The following SLC35A3 variants were observed in gnomAD, a reference collection of about 807,000 sequenced individuals.
SLC35A3 encodes the protein UDP-N-acetylglucosamine transporter.
A neutral mutation model predicts 39.0 loss-of-function variants in SLC35A3; 26 were observed. The ratio of observed to expected loss-of-function variants is 0.67; its 90% CI spans 0.49 to 0.92. The LOEUF (loss-of-function observed/expected upper bound fraction) is 0.92. Ranked by LOEUF, SLC35A3 falls within the 40% of genes least tolerant of loss-of-function variation. The pLI, the probability that SLC35A3 is intolerant of heterozygous loss-of-function variation, is 0.00. For missense variants in SLC35A3, 299 were observed against 371.6 expected, an observed-to-expected ratio of 0.80 and a Z score of 1.61; for synonymous variants, 135 against 133.1, an observed-to-expected ratio of 1.01 and a Z score of -0.10.
chr1:100,011,872 C>T (rs1003731574), intron 5 of SLC35A3, among the ~76,000 whole-genome samples: 7 of 151,538 alleles, frequency 4.6e-5, no homozygotes, highest in African/African-American at 1.7e-4. Context: ...GCGCCCGCCA[C>T]CACGCCCGGC....
rs71970416 is a variant in SLC35A3, at chr1:99,997,410, T to TTATA, written c.188-1807_188-1804dup. Among the ~76,000 whole-genome samples the TTATA allele has an allele frequency of 8.6e-3, 788 of 91,576 alleles. 39 individuals are homozygous for TTATA. Among genetic ancestry groups the TTATA allele is most frequent in the South Asian group, 0.011 (22 of 1,992 alleles). 60.1% of individuals were successfully genotyped at this position (91,576 alleles called of 152,430 possible). On this transcript the variant is annotated intron_variant, in intron 2 of 7. Transcript: ENST00000533028. Reference sequence around the variant, plus strand: ...ACAGTTATATGTTTTATATATAGTTTTATATATATATATATATATATATAT... The same window carrying TTATA: ...ACAGTTATATGTTTTATATATAGTTTTATATATATATATATATATATATATATAT...
Position 100,030,768 on chromosome 1 carries a change from T to A in SLC35A3, c.*8292T>A, listed in dbSNP as rs1451751852. 7 of 152,232 alleles carry A rather than the reference T, an allele frequency of 4.6e-5. No individual in the cohort carries two copies. Among genetic ancestry groups the A allele is most frequent in the Non-Finnish European group, 7.3e-5 (5 of 68,040 alleles). The allele number at this position is 152,232 out of a possible 1,614,324, so 9.4% of individuals were successfully genotyped here. A position where few individuals can be genotyped will look rare whatever the true frequency, so the allele number is the denominator to read the frequency against. On this transcript the variant is annotated 3_prime_UTR_variant, in exon 8 of 8. Transcript: ENST00000533028. Reference sequence around the variant, plus strand: ...AGTTTTTCCCTTTAGGCTAAAGTTTTATTTTATTCTGCTTGGATAGTAAAT... The same window carrying A: ...AGTTTTTCCCTTTAGGCTAAAGTTTAATTTTATTCTGCTTGGATAGTAAAT...
At chr1:99,974,120 C>T (rs988985649) in intron 1 of SLC35A3, among the ~76,000 whole-genome samples, 1 of 151,830 alleles carries the variant, frequency 6.6e-6, no homozygotes, top group South Asian at 2.1e-4. Context: ...TTTATATCTA[C>T]CTAGAGCTGA....
At chr1:100,011,069 T>C (rs1659595639) in intron 4 of SLC35A3, among the ~76,000 whole-genome samples, 1 of 152,240 alleles carries the variant, frequency 6.6e-6, no homozygotes, top group Non-Finnish European at 1.5e-5. Flanking sequence ...GATGGTGCTT[T>C]TTAATAAATT....
chr1:99,979,635 G>A lies in SLC35A3; in HGVS notation c.-19+9473G>A, dbSNP rs544919016. Among the ~76,000 whole-genome samples, 472 of 151,240 alleles carry A rather than the reference G, an allele frequency of 3.1e-3. 3 individuals are homozygous for A. The highest frequency in any genetic ancestry group is 5.3e-3 in the Non-Finnish European group (359 of 67,724). On this transcript the variant is annotated intron_variant, in intron 1 of 7. Coordinates refer to ENST00000533028, the MANE Select transcript of SLC35A3 (RefSeq NM_012243.3). ...TTTTTAGTAGAGACGGTGTTTCACCGTGTTAGCCAGGATGGTCTCGATCTC... is the reference window on the plus strand; with the variant it reads ...TTTTTAGTAGAGACGGTGTTTCACCATGTTAGCCAGGATGGTCTCGATCTC...
At chr1:100,011,787 C>T (rs1356914919) in intron 5 of SLC35A3, among the ~76,000 whole-genome samples, 1 of 151,176 alleles carries the variant, frequency 6.6e-6, no homozygotes, top group Non-Finnish European at 1.5e-5. Flanking sequence ...TGTGCAATCT[C>T]GGCTCACTGC....
chr1:99,998,987 ATG>A (rs1658581339), intron 2 of SLC35A3, among the ~76,000 whole-genome samples: 1 of 152,274 alleles, frequency 6.6e-6, no homozygotes, highest in South Asian at 2.1e-4. Flanking sequence ...TGTCATAAAT[ATG>A]TGTTTGTATG....
intron 5 of SLC35A3, among the ~76,000 whole-genome samples, chr1:100,014,494 T>G (rs1215509892): frequency 6.6e-6 from 1 of 152,202 alleles, no homozygotes; most frequent in Non-Finnish European, 1.5e-5. Flanking sequence ...AGTGCTGGGA[T>G]TTCAGGCGTG....
chr1:99,989,748 A>G (rs1405947031), intron 1 of SLC35A3, among the ~76,000 whole-genome samples: 1 of 152,084 alleles, frequency 6.6e-6, no homozygotes, highest in East Asian at 1.9e-4. Flanking sequence ...TATCTTTGGA[A>G]GAGCAGTCTT....
At chr1:99,998,821 A>T (rs929558384) in intron 2 of SLC35A3, among the ~76,000 whole-genome samples, 6 of 152,118 alleles carry the variant, frequency 3.9e-5, no homozygotes, top group African/African-American at 1.4e-4. Context: ...CCATTCCCTA[A>T]CTGATTTACC....
intron 3 of SLC35A3, among the ~76,000 whole-genome samples, chr1:100,005,009 G>A (rs896234935): frequency 8.5e-5 from 13 of 152,106 alleles, no homozygotes; most frequent in Non-Finnish European, 1.0e-4. Context: ...TGCCCACCTC[G>A]GCCACCCAAA....
At chr1:99,985,707 G>A (rs1011671200) in intron 1 of SLC35A3, among the ~76,000 whole-genome samples, 1 of 152,132 alleles carries the variant, frequency 6.6e-6, no homozygotes, top group Non-Finnish European at 1.5e-5. Flanking sequence ...AGTGTGGGAT[G>A]TATTTCTATT....
In SLC35A3 at chr1:99,991,496, A is replaced by C. The variant is rs180985495; in HGVS notation, c.-18-2041A>C. 1.5e-3 allele frequency among the ~76,000 whole-genome samples: 236 copies of C among 152,272 alleles called. 5 individuals carry two copies. Among genetic ancestry groups the C allele is most frequent in the Admixed American group, 0.014 (209 of 15,294 alleles). On this transcript the variant is annotated intron_variant, in intron 1 of 7. Transcript: ENST00000533028. ...GTAAGTCTGGAAGTTTGGTAGCTTA[A>C]GCCTTTCAATTTTGTTTTTCTTTTT... is the stretch of plus-strand genomic sequence containing the variant.
Position 100,011,495 on chromosome 1 carries a change from A to T in SLC35A3, c.596A>T (p.Glu199Val). Residue 199 changes from glutamate (E) to valine (V), a missense_variant, in exon 5 of 8, where the codon GAA becomes GTA. By Grantham distance (121) the Glu-to-Val change is moderately radical (BLOSUM62 -2). Coordinates refer to ENST00000533028, the MANE Select transcript of SLC35A3 (RefSeq NM_012243.3). ...AGVYFEKILK[E>V]TKQSVWIRNI... ...GTTTACTTTGAGAAAATCTTAAAAGAAACAAAACAATCAGTGTGGATAAGA... is the reference window on the plus strand; with the variant it reads ...GTTTACTTTGAGAAAATCTTAAAAGTAACAAAACAATCAGTGTGGATAAGA... 1 of 1,557,612 alleles carries T rather than the reference A, an allele frequency of 6.4e-7. No individual in the cohort carries two copies. The highest frequency in any genetic ancestry group is 8.8e-7 in the Non-Finnish European group (1 of 1,140,432).
chr1:99,994,322 G>A (rs1314423215), intron 2 of SLC35A3, among the ~76,000 whole-genome samples: 1 of 151,922 alleles, frequency 6.6e-6, no homozygotes, highest in African/African-American at 2.4e-5. Flanking sequence ...GTACAACAGT[G>A]TAAATTTTTA....
chr1:99,998,636 A>G (rs943778433), intron 2 of SLC35A3, among the ~76,000 whole-genome samples: 2 of 152,176 alleles, frequency 1.3e-5, no homozygotes, highest in East Asian at 3.9e-4. Context: ...AGAAAATGCA[A>G]TATTTGAAAA....
chr1:99,988,493 T>C (rs2101097695), intron 1 of SLC35A3, among the ~76,000 whole-genome samples: 1 of 152,346 alleles, frequency 6.6e-6, no homozygotes, highest in East Asian at 1.9e-4. Context: ...TAAATATTCA[T>C]GTACAAATAT....
At chr1:99,990,891 C>T (rs948385252) in intron 1 of SLC35A3, among the ~76,000 whole-genome samples, 2 of 152,152 alleles carry the variant, frequency 1.3e-5, no homozygotes, top group Non-Finnish European at 2.9e-5. Flanking sequence ...TCTCTGTTTT[C>T]TGCCATGTGA....
Position 100,033,217 on chromosome 1 carries a change from G to A in SLC35A3, c.*10741G>A, listed in dbSNP as rs1261642567. The A allele has an allele frequency of 1.3e-5, 2 of 151,538 alleles. No individual in the cohort carries two copies. Among genetic ancestry groups the A allele is most frequent in the African/African-American group, 2.4e-5 (1 of 41,190 alleles). 9.4% of individuals were successfully genotyped at this position (151,538 alleles called of 1,614,324 possible). On this transcript the variant is annotated 3_prime_UTR_variant, in exon 8 of 8. Coordinates refer to ENST00000533028, the MANE Select transcript of SLC35A3 (RefSeq NM_012243.3). ...TCCCTGTAATTCCAGCACTTTGGGA[G>A]TCTGAGGTGGGAGGATCACTTAAGG...
Sources: allele counts gnomAD v4.1 joint callset (sites outside exome capture counted in the v4.1 genomes callset), GRCh38; gene constraint gnomAD v4.1.1; transcripts MANE v1.5; gene names NCBI Gene and HGNC (gene_info 2026-07-23, HGNC 2026-07-21).